CAPN3: variants seen among roughly 807,000 people sequenced by gnomAD.
The protein encoded by CAPN3 is calpain-3.
In CAPN3, 88 loss-of-function variants were observed where a neutral mutation model predicts 114.0. The observed-to-expected ratio is 0.77, with a 90% CI of 0.65 to 0.92. CAPN3 has a LOEUF of 0.92. Ranked by LOEUF, CAPN3 falls within the 40% of genes least tolerant of loss-of-function variation. The probability of loss-of-function intolerance (pLI) is 0.00; values close to 1 mark genes in which losing one functional copy is unlikely to be tolerated. For synonymous variants in CAPN3, 386 were observed against 382.9 expected (o/e 1.01, Z -0.09); for missense variants, 1,028 against 1,069.0 (o/e 0.96, Z 0.53).
At chr15:42,394,422 G>A in intron 8 of CAPN3, 81 bp downstream of exon 8, 1 of 1,059,602 alleles carries the variant, frequency 9.4e-7, no homozygotes, top group Non-Finnish European at 1.4e-6. Flanking sequence ...TGAGCCATGA[G>A]AGTATTGAAG....
intron 1 of CAPN3, among the ~76,000 whole-genome samples, chr15:42,380,731 A>G (rs1595813952): frequency 5.0e-5 from 3 of 60,600 alleles, no homozygotes; most frequent in Admixed American, 4.8e-4. Context: ...CCTTCCCCAT[A>G]TATATATATA....
intron 15 of CAPN3, 42 bp from the exon 16 acceptor site, chr15:42,408,167 CTG>C (rs2054079594): frequency 7.4e-7 from 1 of 1,345,958 alleles, no homozygotes; most frequent in Non-Finnish European, 1.1e-6. Flanking sequence ...CCTGTTCAGA[CTG>C]TAATCCTCCC....
chr15:42,409,029 G>T, intron 16 of CAPN3: 1 of 506,850 alleles, frequency 2.0e-6, no homozygotes, highest in South Asian at 2.0e-5. Context: ...GGTGGAGGGG[G>T]CTCTTGCAGG....
intron 14 of CAPN3, chr15:42,405,064 G>A: frequency 1.0e-6 from 1 of 969,804 alleles, no homozygotes; most frequent in South Asian, 4.8e-5. Context: ...CAGGAATGTT[G>A]GGGCGTGGGG....
At chr15:42,410,834 G>T in intron 21 of CAPN3, 50 bp from the exon 22 acceptor site, 1 of 1,502,314 alleles carries the variant, frequency 6.7e-7, no homozygotes, top group Non-Finnish European at 9.3e-7. Flanking sequence ...TAGAAGGCAG[G>T]CCCAAGGCCT....
chr15:42,407,087 C>T (rs28364518), intron 15 of CAPN3, among the ~76,000 whole-genome samples: 68 of 152,150 alleles, frequency 4.5e-4, no homozygotes, highest in Non-Finnish European at 7.5e-4. Flanking sequence ...TGCCTTCCCC[C>T]GGCTTTCCCT....
intron 10 of CAPN3, 21 bp downstream of exon 10, chr15:42,399,673 G>C: frequency 1.3e-6 from 2 of 1,581,228 alleles, no homozygotes; most frequent in Non-Finnish European, 1.7e-6. Flanking sequence ...CTCTTGATGG[G>C]GGGAGGGTCT....
At chr15:42,403,892 C>A in intron 14 of CAPN3, 115 bp downstream of exon 14, 2 of 953,794 alleles carry the variant, frequency 2.1e-6, no homozygotes, top group African/African-American at 1.6e-5. Flanking sequence ...GGAGTCTGGG[C>A]TGTGCTGAGC....
At position 42,359,888 on chromosome 15, in the gene CAPN3, A is replaced by G; in HGVS notation, c.83A>G (p.Gln28Arg). 1 of 1,614,230 alleles carries G rather than the reference A, an allele frequency of 6.2e-7. No homozygotes were observed. The highest frequency in any genetic ancestry group is 1.1e-5 in the South Asian group (1 of 91,090). Reference protein sequence around the residue: ...RSPGPVPHPAQSKATEAGGGN... With the variant: ...RSPGPVPHPARSKATEAGGGN... ...CCAGGGCCAGTTCCTCACCCGGCCC[A>G]GAGCAAGGCCACTGAGGCTGGGGGT... The change falls in exon 1 of 24, where the codon CAG (glutamine) becomes CGG (arginine). Residue 28 changes from glutamine to arginine, a missense_variant. By Grantham distance (43) the Gln-to-Arg change is conservative. Coordinates refer to ENST00000397163, the MANE Select transcript of CAPN3 (RefSeq NM_000070.3).
intron 1 of CAPN3, among the ~76,000 whole-genome samples, chr15:42,379,212 T>A (rs1278496269): frequency 6.6e-6 from 1 of 152,008 alleles, no homozygotes; most frequent in African/African-American, 2.4e-5. Flanking sequence ...CTCAGGAGGC[T>A]GAGGCAGGAA....
intron 23 of CAPN3, 62 bp downstream of exon 23, chr15:42,411,407 G>T (rs1468854356): frequency 6.9e-7 from 1 of 1,439,144 alleles, no homozygotes; most frequent in African/African-American, 1.4e-5. Context: ...GGGGTCAACG[G>T]GGCGGACTGG....
chr15:42,402,599 A>C lies in CAPN3; in HGVS notation c.1537-195A>C. ...TGTGGGGATGACACATTTGCCATTC[A>C]CTCTGAATCACAACAGAAAAGGAAG... On this transcript the variant is annotated intron_variant, in intron 12 of 23. Coordinates refer to ENST00000397163, the MANE Select transcript of CAPN3 (RefSeq NM_000070.3). 3 of 1,505,410 alleles carry C rather than the reference A, an allele frequency of 2.0e-6. No individual in the cohort carries two copies. The South Asian group carries it at 3.8e-5, about 19-fold the overall frequency. The allele number at this position is 1,505,410 out of a possible 1,614,324, so 93.3% of individuals were successfully genotyped here.
At position 42,384,633 on chromosome 15, in the gene CAPN3, G is replaced by A. The variant is rs142839170; in HGVS notation, c.379+81G>A. ...TGTGATCCCCTTCCAGGAGGTAAAG[G>A]GACAATCTGTGCTTGCTTCCAGTAA... On this transcript the variant is annotated intron_variant, in intron 2 of 23. Coordinates refer to ENST00000397163, the MANE Select transcript of CAPN3 (RefSeq NM_000070.3). The A allele has an allele frequency of 6.7e-6, 7 of 1,043,762 alleles. No homozygotes were observed. The Admixed American group carries it at 8.5e-5, about 13-fold the overall frequency. 64.7% of individuals were successfully genotyped at this position (1,043,762 alleles called of 1,614,324 possible). A position where few individuals can be genotyped will look rare whatever the true frequency, so the allele number is the denominator to read the frequency against.
intron 3 of CAPN3, among the ~76,000 whole-genome samples, chr15:42,386,801 T>G (rs1211995868): frequency 6.6e-6 from 1 of 152,192 alleles, no homozygotes; most frequent in Non-Finnish European, 1.5e-5. Flanking sequence ...GGTTCTAGAA[T>G]CCATCCAGCT....
intron 10 of CAPN3, among the ~76,000 whole-genome samples, chr15:42,400,458 G>A (rs2053831842): frequency 6.6e-6 from 1 of 152,116 alleles, no homozygotes; most frequent in Non-Finnish European, 1.5e-5. Context: ...AAGATCGGGT[G>A]GGTGGCTCAT....
At chr15:42,388,234 T>A (rs1327081249) in intron 4 of CAPN3, among the ~76,000 whole-genome samples, 1 of 152,220 alleles carries the variant, frequency 6.6e-6, no homozygotes, top group Non-Finnish European at 1.5e-5. Flanking sequence ...CTCAACCTCA[T>A]GTGCTTATAG....
intron 14 of CAPN3, 73 bp downstream of exon 14, chr15:42,403,850 G>A (rs2053945076): frequency 7.4e-6 from 10 of 1,357,130 alleles, no homozygotes; most frequent in South Asian, 5.8e-5. Flanking sequence ...GACAGATGGT[G>A]CAGGGGAGAA....
At chr15:42,390,569 A>G (rs1025996882) in intron 6 of CAPN3, among the ~76,000 whole-genome samples, 1 of 152,018 alleles carries the variant, frequency 6.6e-6, no homozygotes, top group Non-Finnish European at 1.5e-5. Flanking sequence ...CATAAGTTAT[A>G]CCTGCTCACT....
chr15:42,410,026 C>CT, intron 19 of CAPN3, 31 bp downstream of exon 19: 1 of 1,604,754 alleles, frequency 6.2e-7, no homozygotes, highest in Non-Finnish European at 8.5e-7. Flanking sequence ...TCCCGACCCT[C>CT]TGTCATCAGC....
Sources: allele counts gnomAD v4.1 joint callset (sites outside exome capture counted in the v4.1 genomes callset), GRCh38; gene constraint gnomAD v4.1.1; transcripts MANE v1.5; gene names NCBI Gene and HGNC (gene_info 2026-07-23, HGNC 2026-07-21).